Variants in MID1 observed in about 807,000 individuals in gnomAD.
MID1 encodes the protein midline 1, also known as E3 ubiquitin-protein ligase Midline-1.
Under a neutral mutation model 40.4 loss-of-function variants are expected in MID1, and 7 were observed. That is an observed-to-expected ratio of 0.17 (90% CI 0.10 to 0.33). MID1 has a LOEUF of 0.33. Ranked by LOEUF, MID1 falls within the 10% of genes least tolerant of loss-of-function variation. The pLI is 1.00. For missense variants in MID1, 367 were observed against 558.5 expected (o/e 0.66, Z 3.46); for synonymous variants, 229 against 221.2 (o/e 1.04, Z -0.31).
chrX:10,453,976 C>T, intron 9 of MID1, among the ~76,000 whole-genome samples: 1 of 112,376 alleles, frequency 8.9e-6, no homozygotes, highest in Non-Finnish European at 1.9e-5. Context: ...CTGGCACATA[C>T]TTGTACCATA....
intron 1 of MID1, among the ~76,000 whole-genome samples, chrX:10,822,472 A>G (rs927843454): frequency 1.8e-5 from 2 of 112,247 alleles, no homozygotes; most frequent in African/African-American, 3.2e-5. Context: ...AATTGCAACA[A>G]AAGCAAAAAT....
chrX:10,793,411 C>G (rs2043946868), intron 1 of MID1, among the ~76,000 whole-genome samples: 1 of 112,323 alleles, frequency 8.9e-6, no homozygotes, highest in East Asian at 2.8e-4. Flanking sequence ...AGGAGGATAT[C>G]AGCCTGCACC....
intron 2 of MID1, among the ~76,000 whole-genome samples, chrX:10,540,585 TG>T (rs1330603297): frequency 9.0e-6 from 1 of 111,542 alleles, no homozygotes; most frequent in Non-Finnish European, 1.9e-5. Flanking sequence ...CCAATTTAGA[TG>T]GTTCCATCTA....
At chrX:10,666,760 G>A (rs780635132) in intron 1 of MID1, among the ~76,000 whole-genome samples, 2 of 111,958 alleles carry the variant, frequency 1.8e-5, no homozygotes, top group South Asian at 3.7e-4. Context: ...ACCTGAAGAA[G>A]AGAAGGTAAA....
chrX:10,543,804 T>C (rs775719548), intron 2 of MID1, among the ~76,000 whole-genome samples: 47 of 109,982 alleles, frequency 4.3e-4, no homozygotes, highest in African/African-American at 1.5e-3. Context: ...GATTATGCCA[T>C]TGCACTCCAG....
intron 1 of MID1, among the ~76,000 whole-genome samples, chrX:10,790,041 A>G (rs1167280781): frequency 9.0e-6 from 1 of 111,517 alleles, no homozygotes; most frequent in Non-Finnish European, 1.9e-5. Flanking sequence ...CAGAGATTCC[A>G]CACAGTCTGT....
At chrX:10,584,366 G>A (rs915133235) in intron 1 of MID1, among the ~76,000 whole-genome samples, 7 of 112,170 alleles carry the variant, frequency 6.2e-5, no homozygotes, top group African/African-American at 2.3e-4. Flanking sequence ...TTAACTCAAA[G>A]TTGAAAATAA....
intron 1 of MID1, among the ~76,000 whole-genome samples, chrX:10,694,089 T>G: frequency 8.9e-6 from 1 of 112,013 alleles, no homozygotes; most frequent in South Asian, 3.7e-4. Flanking sequence ...AACTTCTGAG[T>G]AATGAGGACT....
At chrX:10,686,678 T>C (rs1291511161) in intron 1 of MID1, among the ~76,000 whole-genome samples, 1 of 111,739 alleles carries the variant, frequency 8.9e-6, no homozygotes, top group Non-Finnish European at 1.9e-5. Flanking sequence ...AGATACTTAC[T>C]AGAGATCCAC....
At chrX:10,713,575 G>A (rs183100009) in intron 1 of MID1, among the ~76,000 whole-genome samples, 59 of 111,727 alleles carry the variant, frequency 5.3e-4, no homozygotes, top group African/African-American at 1.8e-3. Flanking sequence ...CAATCCTCCC[G>A]CCTTGGCATC....
intron 1 of MID1, among the ~76,000 whole-genome samples, chrX:10,576,596 T>C (rs1292743362): frequency 9.0e-6 from 1 of 111,630 alleles, no homozygotes; most frequent in Non-Finnish European, 1.9e-5. Flanking sequence ...CCCAGATTCC[T>C]GGAGGAACAA....
chrX:10,517,405 T>C, intron 3 of MID1, among the ~76,000 whole-genome samples: 1 of 112,330 alleles, frequency 8.9e-6, no homozygotes, highest in Non-Finnish European at 1.9e-5. Context: ...TGGAGTTTCC[T>C]AGTGCTGTGA....
chrX:10,479,036 G>C, intron 5 of MID1, among the ~76,000 whole-genome samples: 1 of 111,878 alleles, frequency 8.9e-6, no homozygotes, highest in African/African-American at 3.2e-5. Context: ...AGACACACAA[G>C]GCGGGCTAGA....
At chrX:10,601,896 TTTTTG>T (rs1325734860) in intron 1 of MID1, among the ~76,000 whole-genome samples, 104 of 105,025 alleles carry the variant, frequency 9.9e-4, no homozygotes, top group Middle Eastern at 4.8e-3. Flanking sequence ...TTTGTTTTTG[TTTTTG>T]TTTTTTTTTT....
At chrX:10,581,273 A>C (rs868704692) in intron 1 of MID1, among the ~76,000 whole-genome samples, 1 of 104,132 alleles carries the variant, frequency 9.6e-6, no homozygotes, top group Admixed American at 9.7e-5. Flanking sequence ...CAAAAACAAA[A>C]AACAAACAAA....
chrX:10,552,775 C>T lies in MID1; in HGVS notation c.660+14113G>A, dbSNP rs752361830. Reference sequence around the variant, plus strand: ...AGTGATGGAAAGAGGAACCACTATCCTTTGTCCAGGGCTTCCTAGGGGACA... The same window carrying T: ...AGTGATGGAAAGAGGAACCACTATCTTTTGTCCAGGGCTTCCTAGGGGACA... On this transcript the variant is annotated intron_variant, in intron 2 of 9. Transcript: ENST00000317552. Among the ~76,000 whole-genome samples, 4 of 111,299 alleles carry T rather than the reference C, an allele frequency of 3.6e-5. No homozygotes were observed. The South Asian group carries it at 1.5e-3, about 42-fold the overall frequency.
At chrX:10,713,986 C>T (rs759167407) in intron 1 of MID1, among the ~76,000 whole-genome samples, 5 of 111,818 alleles carry the variant, frequency 4.5e-5, no homozygotes, top group South Asian at 3.8e-4. Context: ...TCAGTATTTA[C>T]GTGCCCTATG....
chrX:10,473,575 T>C (rs1277939488), intron 6 of MID1, among the ~76,000 whole-genome samples: 2 of 112,176 alleles, frequency 1.8e-5, no homozygotes, highest in African/African-American at 6.5e-5. Context: ...TCACACAATG[T>C]TCCCTTTCTC....
At chrX:10,564,234 T>G (rs1260038435) in intron 2 of MID1, among the ~76,000 whole-genome samples, 3 of 112,028 alleles carry the variant, frequency 2.7e-5, no homozygotes, top group Non-Finnish European at 5.6e-5. Flanking sequence ...AGAAATATAC[T>G]TCCTTGGTTT....
Sources: gnomAD v4.1 joint callset for allele counts (sites outside exome capture counted in the v4.1 genomes callset) on GRCh38, gnomAD v4.1.1 for gene constraint, MANE v1.5 for transcripts, NCBI Gene and HGNC (gene_info 2026-07-23, HGNC 2026-07-21) for gene names.